TTLL4: variants seen among roughly 807,000 people sequenced by gnomAD.
TTLL4 encodes the protein tubulin monoglutamylase TTLL4.
TTLL4 carries 85 observed loss-of-function variants against 122.7 expected under a neutral mutation model. The observed-to-expected ratio is 0.69, with a 90% CI of 0.58 to 0.83. TTLL4 has a LOEUF of 0.83. Ranked by LOEUF, TTLL4 falls within the 40% of genes least tolerant of loss-of-function variation. TTLL4 has a pLI of 0.00. For missense variants in TTLL4, 1,363 were observed against 1,488.6 expected (o/e 0.92, Z 1.39); for synonymous variants, 553 against 563.0 (o/e 0.98, Z 0.25).
intron 14 of TTLL4, 75 bp downstream of exon 14, chr2:218,749,462 T>A (rs1942956093): frequency 1.3e-6 from 2 of 1,545,962 alleles, no homozygotes; most frequent in African/African-American, 1.4e-5. Context: ...CTCCAGTAAG[T>A]TGTTCTTTTT....
rs1283702598 is a variant in TTLL4, at chr2:218,740,173, T to C, written c.1597+6T>C. On this transcript the variant is annotated splice_donor_region_variant and intron_variant, in intron 4 of 19. Coordinates refer to ENST00000392102, the MANE Select transcript of TTLL4 (RefSeq NM_014640.5). Reference sequence around the variant, plus strand: ...TGAGAATGAAGAGGAGGAGGGTGAGTAGGAAACCCTTTCACTTCCAACTAG... The same window carrying C: ...TGAGAATGAAGAGGAGGAGGGTGAGCAGGAAACCCTTTCACTTCCAACTAG... 1.9e-6 allele frequency: 3 copies of C among 1,591,164 alleles called. No homozygotes were observed. Among genetic ancestry groups the C allele is most frequent in the Admixed American group, 1.7e-5 (1 of 59,928 alleles).
Position 218,754,631 on chromosome 2 carries a change from C to A in TTLL4, c.*242C>A. 1 of 595,224 alleles carries A rather than the reference C, an allele frequency of 1.7e-6. No homozygotes were observed. Among genetic ancestry groups the A allele is most frequent in the Non-Finnish European group, 2.9e-6 (1 of 344,250 alleles). The allele number at this position is 595,224 out of a possible 1,614,324, so 36.9% of individuals were successfully genotyped here. ...TGTCTGCCTGGCTGGCACCTCATAT[C>A]TCAGCAGAGAAGCCAGTGGTGGCCA... On this transcript the variant is annotated 3_prime_UTR_variant, in exon 20 of 20. Transcript: ENST00000392102.
chr2:218,752,276 G>A (rs1361491974), intron 16 of TTLL4, among the ~76,000 whole-genome samples: 2 of 152,164 alleles, frequency 1.3e-5, no homozygotes, highest in Non-Finnish European at 2.9e-5. Flanking sequence ...ACAGAGATTT[G>A]TTGGCATGTC....
At chr2:218,725,312 T>G (rs2106405002) in intron 1 of TTLL4, among the ~76,000 whole-genome samples, 1 of 152,282 alleles carries the variant, frequency 6.6e-6, no homozygotes, top group East Asian at 1.9e-4. Flanking sequence ...CTCCATCTCC[T>G]GGGCTCAAGC....
intron 6 of TTLL4, 27 bp from the exon 7 acceptor site, chr2:218,745,664 T>A: frequency 3.0e-5 from 42 of 1,403,506 alleles, no homozygotes; most frequent in Middle Eastern, 1.9e-4. Flanking sequence ...CCATCCCCCA[T>A]CCCCACACCC....
intron 17 of TTLL4, 38 bp downstream of exon 17, chr2:218,753,011 G>C: frequency 6.2e-7 from 1 of 1,613,928 alleles, no homozygotes; most frequent in East Asian, 2.2e-5. Flanking sequence ...GCCAAGTTTA[G>C]TGAGAGATTA....
chr2:218,742,485 A>G (rs1002982324), intron 5 of TTLL4, among the ~76,000 whole-genome samples: 1 of 152,166 alleles, frequency 6.6e-6, no homozygotes, highest in Non-Finnish European at 1.5e-5. Context: ...TGCTCTAAGA[A>G]TCATGTAATT....
chr2:218,745,038 C>T (rs1942801558), intron 5 of TTLL4, 71 bp from the exon 6 acceptor site: 18 of 1,565,878 alleles, frequency 1.1e-5, no homozygotes, highest in Non-Finnish European at 1.1e-5. Flanking sequence ...ATAAATCGTA[C>T]GTCGTAGTAA....
intron 12 of TTLL4, chr2:218,748,573 T>C: frequency 4.6e-6 from 2 of 438,752 alleles, no homozygotes; most frequent in Non-Finnish European, 8.1e-6. Context: ...GAGAATCACT[T>C]GAACCTGGGG....
chr2:218,749,519 A>G, intron 14 of TTLL4, 132 bp downstream of exon 14: 1 of 1,335,762 alleles, frequency 7.5e-7, no homozygotes, highest in South Asian at 1.5e-5. Context: ...CCCAGGCTGG[A>G]GTGCAGTGGC....
chr2:218,753,091 C>T, intron 17 of TTLL4, 24 bp from the exon 18 acceptor site: 1 of 1,614,088 alleles, frequency 6.2e-7, no homozygotes, highest in East Asian at 2.2e-5. Context: ...TCTTAAACCC[C>T]AACTCCTGCT....
chr2:218,720,820 A>G (rs1942014290), intron 1 of TTLL4, among the ~76,000 whole-genome samples: 2 of 152,302 alleles, frequency 1.3e-5, no homozygotes, highest in East Asian at 3.9e-4. Context: ...AATAGCCTCA[A>G]GATGGGAGGC....
In TTLL4 at chr2:218,738,020, C is replaced by T. The variant is rs199689447; in HGVS notation, c.344C>T (p.Thr115Ile). The T allele has an allele frequency of 1.2e-5, 19 of 1,614,178 alleles. No individual in the cohort carries two copies. In the East Asian group the frequency reaches 4.2e-4, roughly 36 times the overall value. ...LHSLPDLFNSTLLYRRSSYRQ... is the reference protein window; with the variant it reads ...LHSLPDLFNSILLYRRSSYRQ... ...TCTCTCCCGGACTTGTTCAACAGCACCCTGCTATACCGCCGCTCCAGCTAT... is the reference window on the plus strand; with the variant it reads ...TCTCTCCCGGACTTGTTCAACAGCATCCTGCTATACCGCCGCTCCAGCTAT... The change falls in exon 3 of 20, where the codon ACC becomes ATC. Residue 115 changes from threonine (T) to isoleucine (I), a missense_variant. Thr to Ile is a moderately conservative substitution (Grantham distance 89). This residue lies in a region of TTLL4 where 760 missense variants were observed against 808.4 expected (regional missense o/e 0.94). Coordinates refer to ENST00000392102, the MANE Select transcript of TTLL4 (RefSeq NM_014640.5).
chr2:218,733,237 A>G (rs6436070), intron 2 of TTLL4, among the ~76,000 whole-genome samples: 74,348 of 151,884 alleles, frequency 0.49, 18,830 homozygotes, highest in African/African-American at 0.58. Flanking sequence ...TCGTACTGCT[A>G]TAAAGAAATA....
At position 218,745,884 on chromosome 2, in the gene TTLL4, G is replaced by C; in HGVS notation, c.1897+83G>C. On this transcript the variant is annotated intron_variant, in intron 7 of 19. Coordinates refer to ENST00000392102, the MANE Select transcript of TTLL4 (RefSeq NM_014640.5). ...ATAGGGGGAGAGCTCTAGACACCTC[G>C]TGCCTATGTCGGGGCAGCTGGGGCC... 4 of 1,315,544 alleles carry C rather than the reference G, an allele frequency of 3.0e-6. No individual in the cohort carries two copies. The South Asian group carries it at 3.7e-5, about 12-fold the overall frequency. 81.5% of individuals were successfully genotyped at this position (1,315,544 alleles called of 1,614,324 possible).
rs1056092068 is a variant in TTLL4 at position 218,755,314 on chromosome 2, C to G, written c.*925C>G. The G allele has an allele frequency of 1.3e-5, 2 of 152,266 alleles. No individual in the cohort carries two copies. Among genetic ancestry groups the G allele is most frequent in the African/African-American group, 4.8e-5 (2 of 41,424 alleles). The allele number at this position is 152,266 out of a possible 1,614,324, so 9.4% of individuals were successfully genotyped here. ...GGTAGGTGGGTTTCAGGAGCAGTCA[C>G]TATTGTAGGATGGGCTTCCAATCAA... On this transcript the variant is annotated 3_prime_UTR_variant, in exon 20 of 20. Transcript: ENST00000392102.
At chr2:218,740,660 A>G in intron 5 of TTLL4, 76 bp downstream of exon 5, 1 of 1,535,908 alleles carries the variant, frequency 6.5e-7, no homozygotes, top group Non-Finnish European at 9.0e-7. Context: ...TAAACCACTC[A>G]AGTCATTAAT....
At position 218,745,667 on chromosome 2, in the gene TTLL4, C is replaced by G. The variant is rs369454422; in HGVS notation, c.1787-24C>G. 2.7e-4 allele frequency: 409 copies of G among 1,518,592 alleles called. 1 individual carries two copies. Among genetic ancestry groups the G allele is most frequent in the Non-Finnish European group, 3.5e-4 (386 of 1,105,294 alleles). 94.1% of individuals were successfully genotyped at this position (1,518,592 alleles called of 1,614,324 possible). Reference sequence around the variant, plus strand: ...CTCTGCTCCTCTCCATCCCCCATCCCCACACCCCTTGCATTCTTCCCAGTG... The same window carrying G: ...CTCTGCTCCTCTCCATCCCCCATCCGCACACCCCTTGCATTCTTCCCAGTG... On this transcript the variant is annotated intron_variant, in intron 6 of 19. Transcript: ENST00000392102.
chr2:218,758,751 T>C (rs547644642), downstream of TTLL4, among the ~76,000 whole-genome samples: 1 of 152,374 alleles, frequency 6.6e-6, no homozygotes, highest in African/African-American at 2.4e-5. Context: ...TGCAAAATGA[T>C]GCACTGGAAA....
Sources: allele counts gnomAD v4.1 joint callset (sites outside exome capture counted in the v4.1 genomes callset), GRCh38; gene constraint gnomAD v4.1.1; regional missense constraint gnomAD v4.1.1; transcripts MANE v1.5; gene names NCBI Gene and HGNC (gene_info 2026-07-23, HGNC 2026-07-21).